Variants in INSC observed in about 807,000 individuals in gnomAD.
The protein encoded by INSC is protein inscuteable homolog.
Under a neutral mutation model 58.6 loss-of-function variants are expected in INSC, and 67 were observed. The observed-to-expected ratio is 1.14, with a 90% confidence interval of 0.94 to 1.40. The LOEUF is 1.40. Ranked by LOEUF, INSC falls within the 40% of genes most tolerant of loss-of-function variation. The pLI is 0.00. For missense variants in INSC, 714 were observed against 692.0 expected (o/e 1.03, Z -0.36); for synonymous variants, 262 against 276.1 (o/e 0.95, Z 0.51).
At chr11:15,230,022 A>G (rs1177616141) in intron 9 of INSC, among the ~76,000 whole-genome samples, 1 of 58,866 alleles carries the variant, frequency 1.7e-5, no homozygotes, top group African/African-American at 6.9e-5. Context: ...TAATATATAT[A>G]TATATATATA....
chr11:15,139,597 G>A (rs571952810), intron 1 of INSC, among the ~76,000 whole-genome samples: 1 of 152,330 alleles, frequency 6.6e-6, no homozygotes, highest in East Asian at 1.9e-4. Flanking sequence ...CACCTACTGT[G>A]TGCCAGGCAC....
chr11:15,155,200 C>G (rs1251666425), intron 2 of INSC, among the ~76,000 whole-genome samples: 3 of 152,188 alleles, frequency 2.0e-5, no homozygotes, highest in Non-Finnish European at 4.4e-5. Context: ...GCCATTTTCC[C>G]AACACATGAG....
intron 6 of INSC, among the ~76,000 whole-genome samples, chr11:15,196,322 C>T (rs1850368414): frequency 6.6e-6 from 1 of 152,220 alleles, no homozygotes; most frequent in Non-Finnish European, 1.5e-5. Flanking sequence ...ATCAGTGACC[C>T]TGTTTTACAG....
chr11:15,177,014 T>C, intron 3 of INSC, 97 bp from the exon 4 acceptor site: 1 of 950,506 alleles, frequency 1.1e-6, no homozygotes, highest in Middle Eastern at 2.2e-4. Context: ...TCACATTAAT[T>C]GATTCTTCAT....
At chr11:15,191,229 T>A (rs1397407884) in intron 6 of INSC, among the ~76,000 whole-genome samples, 1 of 152,128 alleles carries the variant, frequency 6.6e-6, no homozygotes, top group African/African-American at 2.4e-5. Flanking sequence ...TCCGCCTGCC[T>A]CGGCCTCCCA....
At chr11:15,209,535 G>C (rs754550019) in intron 7 of INSC, among the ~76,000 whole-genome samples, 4 of 152,066 alleles carry the variant, frequency 2.6e-5, no homozygotes, top group Non-Finnish European at 5.9e-5. Context: ...TGCTCACACA[G>C]TATGTGGTAC....
chr11:15,150,521 A>G (rs1280211132), intron 2 of INSC, among the ~76,000 whole-genome samples: 1 of 152,248 alleles, frequency 6.6e-6, no homozygotes, highest in East Asian at 1.9e-4. Context: ...AAGTACTGCC[A>G]TGTTGCATGG....
In INSC at chr11:15,131,409, T is replaced by TA. The variant is rs1183973975; in HGVS notation, c.-46+16416dup. Among the ~76,000 whole-genome samples the TA allele has an allele frequency of 1.0e-3, 152 of 149,452 alleles. 1 individual carries two copies. The highest frequency in any genetic ancestry group is 3.4e-3 in the African/African-American group (138 of 40,870). On this transcript the variant is annotated intron_variant, in intron 1 of 12. Coordinates refer to ENST00000379556, the MANE Select transcript of INSC (RefSeq NM_001042536.3). The stretch of plus-strand genomic sequence containing the variant: ...CTTTAAGGACTAGAAAGTAGTTGAT[T>TA]AAAAAAAAAAGAATGATTCATGAGT...
At chr11:15,121,444 A>G (rs540558923) in intron 1 of INSC, among the ~76,000 whole-genome samples, 1 of 152,250 alleles carries the variant, frequency 6.6e-6, no homozygotes, top group African/African-American at 2.4e-5. Flanking sequence ...ATACAACTGC[A>G]GTGAGGTTAT....
chr11:15,237,335 T>C (rs1016015844), intron 10 of INSC, among the ~76,000 whole-genome samples: 4 of 152,212 alleles, frequency 2.6e-5, no homozygotes, highest in Non-Finnish European at 4.4e-5. Context: ...TGGGTTTGAA[T>C]CCTGGCACTG....
At chr11:15,156,979 A>G (rs1848836627) in intron 2 of INSC, among the ~76,000 whole-genome samples, 1 of 152,186 alleles carries the variant, frequency 6.6e-6, no homozygotes, top group Admixed American at 6.5e-5. Context: ...TGTGGAGATG[A>G]TTGTAGTTGC....
chr11:15,138,306 C>G (rs1170514024), intron 1 of INSC, among the ~76,000 whole-genome samples: 1 of 152,088 alleles, frequency 6.6e-6, no homozygotes, highest in East Asian at 1.9e-4. Flanking sequence ...ATAAAGTGAG[C>G]ACATACTACT....
At chr11:15,190,212 G>A (rs1850111874) in intron 5 of INSC, among the ~76,000 whole-genome samples, 1 of 152,170 alleles carries the variant, frequency 6.6e-6, no homozygotes, top group African/African-American at 2.4e-5. Flanking sequence ...AACTACTGTG[G>A]AGCACTTCTC....
At chr11:15,257,002 C>A in the INSC span, among the ~76,000 whole-genome samples, 1 of 152,178 alleles carries the variant, frequency 6.6e-6, no homozygotes, top group African/African-American at 2.4e-5. Context: ...TTTAAAGTTT[C>A]TTTATCAATT....
At chr11:15,147,474 A>G (rs191087067) in intron 1 of INSC, among the ~76,000 whole-genome samples, 1 of 152,362 alleles carries the variant, frequency 6.6e-6, no homozygotes, top group Non-Finnish European at 1.5e-5. Flanking sequence ...TACGTTGGCC[A>G]TATTCTTCCA....
At chr11:15,158,443 A>C (rs12269858) in intron 2 of INSC, among the ~76,000 whole-genome samples, 1 of 151,784 alleles carries the variant, frequency 6.6e-6, no homozygotes, top group Non-Finnish European at 1.5e-5. Context: ...TGTCTCCCCT[A>C]TGTGGAAGTC....
chr11:15,124,906 T>C (rs1448458153), intron 1 of INSC, among the ~76,000 whole-genome samples: 1 of 152,174 alleles, frequency 6.6e-6, no homozygotes. Context: ...ATTTATCTAC[T>C]TAGCACCTAC....
At chr11:15,255,845 A>C in the INSC span, among the ~76,000 whole-genome samples, 5 of 152,264 alleles carry the variant, frequency 3.3e-5, no homozygotes, top group Non-Finnish European at 7.4e-5. Context: ...AAAGGGGTCT[A>C]TAAAGGGATA....
chr11:15,200,930 G>A lies in INSC; in HGVS notation c.800G>A (p.Gly267Asp). The A allele has an allele frequency of 6.2e-7, 1 of 1,609,424 alleles. No individual in the cohort carries two copies. The highest frequency in any genetic ancestry group is 8.5e-7 in the Non-Finnish European group (1 of 1,178,164). The change falls in exon 7 of 13, where the codon GGT becomes GAT. Residue 267 changes from glycine to aspartate, a missense_variant. By Grantham distance (94) the Gly-to-Asp change is moderately conservative (BLOSUM62 -1). Coordinates refer to ENST00000379556, the MANE Select transcript of INSC (RefSeq NM_001042536.3). ...TLASICCVEE[G>D]VHQLEKVDGV... is the part of the protein sequence containing the mutation. Reference sequence around the variant, plus strand: ...GCCTCCATCTGCTGCGTGGAAGAGGGTGTCCACCAGCTGGAGAAGGTAAGG... The same window carrying A: ...GCCTCCATCTGCTGCGTGGAAGAGGATGTCCACCAGCTGGAGAAGGTAAGG...
Sources: allele counts gnomAD v4.1 joint callset (sites outside exome capture counted in the v4.1 genomes callset), GRCh38; gene constraint gnomAD v4.1.1; transcripts MANE v1.5; gene names NCBI Gene and HGNC (gene_info 2026-07-23, HGNC 2026-07-21).